Variants in HSD17B7 observed in about 807,000 individuals in gnomAD.
HSD17B7 encodes hydroxysteroid 17-beta dehydrogenase 7.
Under a neutral mutation model 34.1 loss-of-function variants are expected in HSD17B7, and 17 were observed. The ratio of observed to expected loss-of-function variants is 0.50; its 90% CI spans 0.34 to 0.75. The LOEUF (loss-of-function observed/expected upper bound fraction) is 0.75. HSD17B7 is among the 30% of genes least tolerant of loss of function. The pLI, the probability that HSD17B7 is intolerant of heterozygous loss-of-function variation, is 0.01. For synonymous variants in HSD17B7, 122 were observed against 154.6 expected, an observed-to-expected ratio of 0.79 and a Z score of 1.56; for missense variants, 296 against 406.6, an observed-to-expected ratio of 0.73 and a Z score of 2.34.
intron 1 of HSD17B7, among the ~76,000 whole-genome samples, chr1:162,792,030 A>G (rs1283172309): frequency 6.6e-6 from 1 of 152,156 alleles, no homozygotes; most frequent in Admixed American, 6.5e-5. Context: ...TGGTGTACTC[A>G]TCTAATATTT....
chr1:162,804,929 C>T (rs1648930470), intron 7 of HSD17B7, among the ~76,000 whole-genome samples: 1 of 152,184 alleles, frequency 6.6e-6, no homozygotes, highest in South Asian at 2.1e-4. Flanking sequence ...CAGAGGCAGC[C>T]TCTGCTAACG....
intron 8 of HSD17B7, among the ~76,000 whole-genome samples, chr1:162,809,487 A>G (rs979988697): frequency 5.3e-5 from 8 of 152,150 alleles, no homozygotes; most frequent in Non-Finnish European, 7.3e-5. Context: ...GCCTCATAAA[A>G]TGAGTTGGGG....
chr1:162,809,916 T>G (rs1292669529), intron 8 of HSD17B7, among the ~76,000 whole-genome samples: 1 of 152,128 alleles, frequency 6.6e-6, no homozygotes, highest in African/African-American at 2.4e-5. Flanking sequence ...GATTCATTGA[T>G]TTTTTGAAGG....
chr1:162,809,519 G>T (rs1421054413), intron 8 of HSD17B7, among the ~76,000 whole-genome samples: 1 of 151,316 alleles, frequency 6.6e-6, no homozygotes, highest in Admixed American at 6.6e-5. Context: ...TTTTTCTATT[G>T]ATTGGAATAG....
At chr1:162,809,683 G>A (rs533018252) in intron 8 of HSD17B7, among the ~76,000 whole-genome samples, 26 of 152,004 alleles carry the variant, frequency 1.7e-4, no homozygotes, top group Non-Finnish European at 3.4e-4. Flanking sequence ...CCCCTTCCTG[G>A]TTTAGTCTTG....
In HSD17B7 at chr1:162,805,410, A is replaced by T. The variant is rs1648948387; in HGVS notation, c.821A>T (p.Gln274Leu). 2.5e-6 allele frequency: 4 copies of T among 1,612,764 alleles called. No homozygotes were observed. The highest frequency in any genetic ancestry group is 3.4e-6 in the Non-Finnish European group (4 of 1,179,228). ...CCTTTCCAGGTATGGCTTTTCCACC[A>T]AAAGCCTGAATCTCTCAATCCTCTG... is the stretch of plus-strand genomic sequence containing the variant. ...GTEALVWLFH[Q>L]KPESLNPLIK... Residue 274 changes from glutamine (Q) to leucine (L), a missense_variant, in exon 8 of 9, where the codon CAA (glutamine) becomes CTA (leucine). By Grantham distance (113) the Gln-to-Leu change is moderately radical. Transcript: ENST00000254521.
intron 8 of HSD17B7, among the ~76,000 whole-genome samples, chr1:162,810,869 T>A (rs547484087): frequency 6.6e-6 from 1 of 152,328 alleles, no homozygotes; most frequent in East Asian, 1.9e-4. Context: ...GTCTCCTGAA[T>A]ATAGCACACT....
intron 8 of HSD17B7, among the ~76,000 whole-genome samples, chr1:162,809,157 T>G (rs984583205): frequency 4.6e-5 from 7 of 152,226 alleles, no homozygotes; most frequent in Non-Finnish European, 8.8e-5. Context: ...ATACCTAATT[T>G]ATTGAGAGTT....
chr1:162,791,667 C>T (rs1648410963), intron 1 of HSD17B7, among the ~76,000 whole-genome samples: 1 of 149,294 alleles, frequency 6.7e-6, no homozygotes. Context: ...TCTCAAGTGA[C>T]TTTAACCGTT....
intron 2 of HSD17B7, among the ~76,000 whole-genome samples, chr1:162,795,369 T>A (rs912746347): frequency 6.6e-6 from 1 of 152,196 alleles, no homozygotes; most frequent in African/African-American, 2.4e-5. Flanking sequence ...ATCAATTATT[T>A]TATTGATGAG....
chr1:162,796,745 C>CAT, intron 3 of HSD17B7, 68 bp downstream of exon 3: 1 of 975,852 alleles, frequency 1.0e-6, no homozygotes, highest in Non-Finnish European at 1.7e-6. Context: ...GTTTTGATGG[C>CAT]ATGTTAAGTT....
chr1:162,802,439 G>A (rs530661079), intron 5 of HSD17B7, among the ~76,000 whole-genome samples: 1 of 152,182 alleles, frequency 6.6e-6, no homozygotes, highest in South Asian at 2.1e-4. Context: ...CTTAGCTCTT[G>A]ACTTTTTTCT....
intron 8 of HSD17B7, among the ~76,000 whole-genome samples, chr1:162,808,687 T>C (rs1258361048): frequency 1.3e-5 from 2 of 152,156 alleles, no homozygotes; most frequent in Non-Finnish European, 2.9e-5. Context: ...CCTTCACATC[T>C]CTTGTAAGTT....
At chr1:162,800,114 A>G (rs1302715251) in intron 5 of HSD17B7, 177 bp downstream of exon 5, 4 of 717,056 alleles carry the variant, frequency 5.6e-6, no homozygotes, top group Non-Finnish European at 1.0e-5. Flanking sequence ...AGTTATAGGT[A>G]GTTCATTCTG....
At chr1:162,796,933 G>A (rs1648633407) in intron 3 of HSD17B7, among the ~76,000 whole-genome samples, 1 of 152,092 alleles carries the variant, frequency 6.6e-6, no homozygotes, top group African/African-American at 2.4e-5. Flanking sequence ...TTTTTGGTCT[G>A]CCTGGATATG....
intron 2 of HSD17B7, among the ~76,000 whole-genome samples, chr1:162,794,808 A>G (rs1462656213): frequency 1.3e-5 from 2 of 152,156 alleles, no homozygotes; most frequent in African/African-American, 4.8e-5. Context: ...AAGTTTTAAC[A>G]TTTATAGTAC....
At chr1:162,803,793 A>G (rs1345644624) in intron 6 of HSD17B7, among the ~76,000 whole-genome samples, 1 of 152,224 alleles carries the variant, frequency 6.6e-6, no homozygotes, top group Non-Finnish European at 1.5e-5. Flanking sequence ...TTCTGTAATC[A>G]TATAATTTTA....
rs1649192849 is a variant in HSD17B7, at chr1:162,812,292, T to C, written c.904-6T>C. On this transcript the variant is annotated splice_region_variant and splice_polypyrimidine_tract_variant and intron_variant, in intron 8 of 8. Coordinates refer to ENST00000254521, the MANE Select transcript of HSD17B7 (RefSeq NM_016371.4). ...CTAGACATCTCTATTTTTGCTTCTTTTCCAGATGGACCTAGATGAAGACAC... is the reference window on the plus strand; with the variant it reads ...CTAGACATCTCTATTTTTGCTTCTTCTCCAGATGGACCTAGATGAAGACAC... 1.2e-6 allele frequency: 2 copies of C among 1,611,748 alleles called. No individual in the cohort carries two copies. Among genetic ancestry groups the C allele is most frequent in the East Asian group, 4.5e-5 (2 of 44,870 alleles).
chr1:162,799,486 C>T, intron 4 of HSD17B7: 3 of 315,554 alleles, frequency 9.5e-6, no homozygotes, highest in Non-Finnish European at 1.8e-5. Flanking sequence ...GATCTGGGTG[C>T]TTATTGCTGC....
Sources: allele counts gnomAD v4.1 joint callset (sites outside exome capture counted in the v4.1 genomes callset), GRCh38; gene constraint gnomAD v4.1.1; transcripts MANE v1.5; gene names NCBI Gene and HGNC (gene_info 2026-07-23, HGNC 2026-07-21).